Variants in RGS6 observed in about 807,000 individuals in gnomAD.
RGS6 encodes the protein regulator of G protein signaling 6.
A neutral mutation model predicts 78.5 loss-of-function variants in RGS6; 30 were observed. The ratio of observed to expected loss-of-function variants is 0.38; its 90% CI spans 0.29 to 0.52. The LOEUF (loss-of-function observed/expected upper bound fraction) is 0.52. Ranked by LOEUF, RGS6 falls within the 20% of genes least tolerant of loss-of-function variation. The pLI is 0.85. For missense variants in RGS6, 495 were observed against 609.7 expected (o/e 0.81, Z 1.98); for synonymous variants, 206 against 206.0 (o/e 1.00, Z 0.00).
At chr14:72,102,722 G>C (rs888866983) in intron 2 of RGS6, among the ~76,000 whole-genome samples, 17 of 152,182 alleles carry the variant, frequency 1.1e-4, no homozygotes, top group African/African-American at 3.9e-4. Context: ...AATGAAGACA[G>C]TGTAGAAGAT....
intron 2 of RGS6, among the ~76,000 whole-genome samples, chr14:72,188,045 T>A (rs536427093): frequency 1.1e-4 from 16 of 152,150 alleles, no homozygotes; most frequent in African/African-American, 3.4e-4. Flanking sequence ...TTTTTGGTGA[T>A]TTTACTATTT....
intron 2 of RGS6, among the ~76,000 whole-genome samples, chr14:72,011,112 A>T (rs1169067425): frequency 6.6e-6 from 1 of 152,240 alleles, no homozygotes; most frequent in African/African-American, 2.4e-5. Context: ...CCTTTGACAG[A>T]TCCTTTTCCT....
intron 12 of RGS6, among the ~76,000 whole-genome samples, chr14:72,492,213 C>A (rs1220123688): frequency 6.6e-6 from 1 of 152,148 alleles, no homozygotes; most frequent in Non-Finnish European, 1.5e-5. Context: ...GACACAGAAG[C>A]CTTCAGAAAT....
chr14:72,014,796 A>G (rs1393673382), intron 2 of RGS6, among the ~76,000 whole-genome samples: 3 of 152,088 alleles, frequency 2.0e-5, no homozygotes, highest in Admixed American at 1.3e-4. Flanking sequence ...TTTGAAAGAC[A>G]GTGTTTTAGA....
chr14:72,551,987 G>A (rs1343389449), intron 17 of RGS6, among the ~76,000 whole-genome samples: 3 of 152,222 alleles, frequency 2.0e-5, no homozygotes, highest in Non-Finnish European at 2.9e-5. Context: ...TGCTTAACAG[G>A]TGTAGCTCTT....
At chr14:72,298,343 A>G (rs551108559) in intron 2 of RGS6, among the ~76,000 whole-genome samples, 2 of 147,436 alleles carry the variant, frequency 1.4e-5, no homozygotes, top group South Asian at 2.1e-4. Context: ...TATTATTATT[A>G]TTATGTATGT....
At chr14:72,261,712 A>G (rs2058193550) in intron 2 of RGS6, among the ~76,000 whole-genome samples, 1 of 152,176 alleles carries the variant, frequency 6.6e-6, no homozygotes. Flanking sequence ...TTCTCTTGCC[A>G]TCTTCTGTGT....
chr14:72,583,892 T>TG, the RGS6 span, among the ~76,000 whole-genome samples: 1 of 152,162 alleles, frequency 6.6e-6, no homozygotes, highest in Non-Finnish European at 1.5e-5. Flanking sequence ...TGTCTGCTCA[T>TG]GGGGACACAG....
intron 1 of RGS6, among the ~76,000 whole-genome samples, chr14:71,939,573 C>T (rs1407752774): frequency 6.6e-6 from 1 of 152,142 alleles, no homozygotes; most frequent in Non-Finnish European, 1.5e-5. Flanking sequence ...TTCTAGTGGG[C>T]CTTATGGACA....
chr14:72,390,406 T>C lies in RGS6; in HGVS notation c.184+38212T>C, dbSNP rs959091383. Among the ~76,000 whole-genome samples, 3 of 152,256 alleles carry C rather than the reference T, an allele frequency of 2.0e-5. No homozygotes were observed. The East Asian group carries it at 5.8e-4, about 29-fold the overall frequency. On this transcript the variant is annotated intron_variant, in intron 3 of 17. Coordinates refer to ENST00000553525, the MANE Select transcript of RGS6 (RefSeq NM_001204424.2). ...AGCCACTGCACCCGGCCGGGAGCCATAGTTCTTGGTGGAAAGCAAAGCTTT... is the reference window on the plus strand; with the variant it reads ...AGCCACTGCACCCGGCCGGGAGCCACAGTTCTTGGTGGAAAGCAAAGCTTT...
chr14:72,245,405 C>G (rs2053979006), intron 2 of RGS6, among the ~76,000 whole-genome samples: 1 of 152,218 alleles, frequency 6.6e-6, no homozygotes, highest in Non-Finnish European at 1.5e-5. Flanking sequence ...TTACAGCAAT[C>G]CAGTCATTAG....
At position 72,562,424 on chromosome 14, in the gene RGS6, C is replaced by T. The variant is rs1261035708; in HGVS notation, c.1430C>T (p.Ser477Leu). The T allele has an allele frequency of 1.2e-6, 2 of 1,612,698 alleles. No individual in the cohort carries two copies. Reference protein sequence around the residue: ...LEKFTRSVGKSLAGKRLTGLM... With the variant: ...LEKFTRSVGKLLAGKRLTGLM... ...GTCGCTGTCTCTCTGCAGGGAAAGT[C>T]GCTGGCGGGCAAGCGCCTCACGGGC... Residue 477 changes from serine to leucine, a missense_variant, in exon 18 of 18, where the codon TCG becomes TTG. Physicochemically the swap from Ser to Leu is moderately radical, Grantham distance 145 (BLOSUM62 -2). Coordinates refer to ENST00000553525, the MANE Select transcript of RGS6 (RefSeq NM_001204424.2).
intron 2 of RGS6, among the ~76,000 whole-genome samples, chr14:72,279,987 A>T (rs2061314306): frequency 6.6e-6 from 1 of 152,224 alleles, no homozygotes; most frequent in African/African-American, 2.4e-5. Flanking sequence ...TCACGGACTC[A>T]ATGATACTGA....
chr14:72,117,331 C>G (rs2095919284), intron 2 of RGS6, among the ~76,000 whole-genome samples: 1 of 152,014 alleles, frequency 6.6e-6, no homozygotes, highest in Non-Finnish European at 1.5e-5. Context: ...TTGGTGTCCT[C>G]CCTGAGGTCA....
At chr14:72,008,146 C>T (rs1347097542) in intron 2 of RGS6, among the ~76,000 whole-genome samples, 1 of 152,208 alleles carries the variant, frequency 6.6e-6, no homozygotes, top group Non-Finnish European at 1.5e-5. Context: ...GAACTACTAT[C>T]CTTGCATACT....
intron 2 of RGS6, among the ~76,000 whole-genome samples, chr14:72,337,848 C>T (rs2076323676): frequency 6.6e-6 from 1 of 152,224 alleles, no homozygotes; most frequent in Non-Finnish European, 1.5e-5. Flanking sequence ...TTTCATTGTG[C>T]AGCCTACAGT....
At chr14:72,598,078 C>G in the RGS6 span, among the ~76,000 whole-genome samples, 8 of 152,214 alleles carry the variant, frequency 5.3e-5, no homozygotes, top group African/African-American at 1.9e-4. Context: ...TGCAGACCAA[C>G]GGAGCTGGAA....
intron 2 of RGS6, among the ~76,000 whole-genome samples, chr14:71,970,362 C>T (rs781064635): frequency 2.0e-5 from 3 of 152,140 alleles, no homozygotes; most frequent in Non-Finnish European, 4.4e-5. Flanking sequence ...TTGAGTCTAG[C>T]CTTTATGTTG....
chr14:72,219,780 C>T (rs995485445), intron 2 of RGS6, among the ~76,000 whole-genome samples: 2 of 152,144 alleles, frequency 1.3e-5, no homozygotes, highest in Non-Finnish European at 2.9e-5. Flanking sequence ...CATAGAATTT[C>T]ACATTTTTAT....
Sources: gnomAD v4.1 joint callset for allele counts (sites outside exome capture counted in the v4.1 genomes callset) on GRCh38, gnomAD v4.1.1 for gene constraint, MANE v1.5 for transcripts, NCBI Gene and HGNC (gene_info 2026-07-23, HGNC 2026-07-21) for gene names.